The following TMEM181 variants were observed in gnomAD, a reference collection of about 807,000 sequenced individuals.
TMEM181 encodes the protein G protein-coupled receptor 178.
A neutral mutation model predicts 71.9 loss-of-function variants in TMEM181; 39 were observed. The observed-to-expected ratio is 0.54, with a 90% CI of 0.42 to 0.71. The LOEUF (loss-of-function observed/expected upper bound fraction) is 0.71, where lower values mean the gene tolerates loss of function less well. TMEM181 is among the 30% of genes least tolerant of loss of function. The pLI, the probability that TMEM181 is intolerant of heterozygous loss-of-function variation, is 0.00. For synonymous variants in TMEM181, 245 were observed against 228.8 expected (o/e 1.07, Z -0.64); for missense variants, 595 against 583.0 (o/e 1.02, Z -0.21).
At chr6:158,622,847 G>T (rs1206502686) in intron 10 of TMEM181, among the ~76,000 whole-genome samples, 1 of 152,192 alleles carries the variant, frequency 6.6e-6, no homozygotes, top group African/African-American at 2.4e-5. Flanking sequence ...AATCTTGGGT[G>T]GCTCCTGGCT....
rs1311919779 is a variant in TMEM181, at chr6:158,620,384, C to A, written c.897-3166C>A. ...GCAGACCGAACTTTCTCAGGTACCA[C>A]GAGAAAGCCAGGAGAAGGCAGATCT... On this transcript the variant is annotated intron_variant, in intron 10 of 16. Coordinates refer to ENST00000684151, the MANE Select transcript of TMEM181 (RefSeq NM_001376852.1). The surrounding 1 kb of genome is among the most constrained non-coding windows in gnomAD (Gnocchi z 4.5). 6.6e-6 allele frequency among the ~76,000 whole-genome samples: 1 copy of A among 152,084 alleles called. No homozygotes were observed. Among genetic ancestry groups the A allele is most frequent in the Non-Finnish European group, 1.5e-5 (1 of 68,030 alleles).
intron 5 of TMEM181, among the ~76,000 whole-genome samples, chr6:158,588,245 A>G (rs1279846728): frequency 1.3e-5 from 2 of 152,254 alleles, no homozygotes; most frequent in Non-Finnish European, 2.9e-5. Context: ...CCTGCGGAGC[A>G]CTGTGGGCTT....
intron 8 of TMEM181, 111 bp from the exon 9 acceptor site, chr6:158,608,222 G>C (rs6924914): frequency 8.0e-6 from 6 of 748,772 alleles, no homozygotes; most frequent in Admixed American, 1.2e-4. Context: ...TGACCCCGCA[G>C]AGGTATGGGG....
At chr6:158,544,007 G>A (rs1781440461) in intron 1 of TMEM181, among the ~76,000 whole-genome samples, 1 of 152,124 alleles carries the variant, frequency 6.6e-6, no homozygotes, top group African/African-American at 2.4e-5. Context: ...TTGGAAATCG[G>A]GTCTGCACAT....
intron 1 of TMEM181, among the ~76,000 whole-genome samples, chr6:158,546,285 A>T (rs1462273200): frequency 1.3e-5 from 2 of 152,256 alleles, no homozygotes; most frequent in Non-Finnish European, 2.9e-5. Flanking sequence ...GAATGAGAAC[A>T]TATTAGAACT....
Position 158,628,287 on chromosome 6 carries a change from C to G in TMEM181, c.1110-121C>G, listed in dbSNP as rs138460475. 474 of 866,228 alleles carry G rather than the reference C, an allele frequency of 5.5e-4. 6 individuals are homozygous for G. The East Asian group carries it at 0.012, about 22-fold the overall frequency. The allele number at this position is 866,228 out of a possible 1,614,324, so 53.7% of individuals were successfully genotyped here. ...GCATCTGTGCATGTGTGTGGAAGTT[C>G]CCATGCAGAAATCATAGTGTACAGA... On this transcript the variant is annotated intron_variant, in intron 13 of 16. Transcript: ENST00000684151.
intron 1 of TMEM181, among the ~76,000 whole-genome samples, chr6:158,572,902 G>T (rs1314264297): frequency 2.0e-5 from 3 of 151,434 alleles, no homozygotes; most frequent in African/African-American, 7.3e-5. Flanking sequence ...CTTGTGGGTT[G>T]TGAGGTTGTG....
intron 6 of TMEM181, among the ~76,000 whole-genome samples, chr6:158,600,753 G>A (rs1416215930): frequency 2.0e-5 from 3 of 152,108 alleles, no homozygotes; most frequent in African/African-American, 7.2e-5. Context: ...TTACAGGTGT[G>A]AGCCACCGCA....
At chr6:158,536,692 A>G (rs1272269917) in exon 1 of TMEM181, 1 of 1,550,380 alleles carries the variant, frequency 6.5e-7, no homozygotes, top group South Asian at 1.2e-5. Context: ...GCGGCGACAC[A>G]AAGGGTGGAG....
chr6:158,563,801 A>G (rs1782326537), intron 1 of TMEM181, among the ~76,000 whole-genome samples: 2 of 152,132 alleles, frequency 1.3e-5, no homozygotes, highest in Admixed American at 6.5e-5. Flanking sequence ...TGTTCACATA[A>G]TAGCTTTGCG....
intron 1 of TMEM181, among the ~76,000 whole-genome samples, chr6:158,541,965 G>T (rs1209928706): frequency 6.9e-6 from 1 of 145,086 alleles, no homozygotes; most frequent in Non-Finnish European, 1.5e-5. Context: ...GAGTGCAGTG[G>T]CCTGATCTCA....
At chr6:158,612,471 A>T (rs1165831273) in intron 10 of TMEM181, among the ~76,000 whole-genome samples, 10 of 152,230 alleles carry the variant, frequency 6.6e-5, no homozygotes, top group Admixed American at 3.3e-4. Context: ...CCTGTCAGTT[A>T]AGAATCTTTG....
intron 6 of TMEM181, among the ~76,000 whole-genome samples, chr6:158,594,120 T>C (rs9355666): frequency 0.29 from 40,074 of 139,254 alleles, 6,124 homozygotes; most frequent in East Asian, 0.59. Flanking sequence ...TTTTTTTTTT[T>C]CTGAGACAGA....
rs1056294224 is a variant in TMEM181 at position 158,549,531 on chromosome 6, C to A, written c.131+12666C>A. ...TGCAAACATGGTTGTTTACAGACTTCAAGACTATGGTGGTGTCAGCCTAAA... is the reference window on the plus strand; with the variant it reads ...TGCAAACATGGTTGTTTACAGACTTAAAGACTATGGTGGTGTCAGCCTAAA... On this transcript the variant is annotated intron_variant, in intron 1 of 16. Transcript: ENST00000367090. 3.9e-5 allele frequency among the ~76,000 whole-genome samples: 6 copies of A among 152,132 alleles called. No individual in the cohort carries two copies. In the East Asian group the frequency reaches 9.6e-4, roughly 24 times the overall value.
intron 1 of TMEM181, among the ~76,000 whole-genome samples, chr6:158,547,386 G>A (rs1781561016): frequency 6.6e-6 from 1 of 152,192 alleles, no homozygotes; most frequent in African/African-American, 2.4e-5. Context: ...AAGCTCCCCA[G>A]GTGATTCTAG....
intron 6 of TMEM181, 111 bp from the exon 7 acceptor site, chr6:158,605,156 G>GTGTGTGTA: frequency 1.8e-6 from 1 of 568,858 alleles, no homozygotes; most frequent in Non-Finnish European, 3.1e-6. Flanking sequence ...GTGTGTGTGT[G>GTGTGTGTA]TGTATGTGTA....
chr6:158,537,658 C>T (rs971769794), intron 1 of TMEM181, among the ~76,000 whole-genome samples: 2 of 152,204 alleles, frequency 1.3e-5, no homozygotes, highest in African/African-American at 4.8e-5. Context: ...AGAAAGCTCC[C>T]TCACCCCCCC....
chr6:158,624,992 C>T (rs998239672), intron 11 of TMEM181, 112 bp from the exon 12 acceptor site: 8 of 819,358 alleles, frequency 9.8e-6, no homozygotes, highest in African/African-American at 6.7e-5. Flanking sequence ...GAGGGACCTT[C>T]AGGGTTGAAG....
intron 1 of TMEM181, among the ~76,000 whole-genome samples, chr6:158,545,038 G>A (rs902047771): frequency 1.3e-5 from 2 of 152,228 alleles, no homozygotes; most frequent in African/African-American, 4.8e-5. Context: ...TGGCACCTTA[G>A]AGCCGCACAG....
Sources: gnomAD v4.1 joint callset for allele counts (sites outside exome capture counted in the v4.1 genomes callset) on GRCh38, gnomAD v4.1.1 for gene constraint, Gnocchi (gnomAD v3.1) non-coding constraint, MANE v1.5 for transcripts, NCBI Gene and HGNC (gene_info 2026-07-23, HGNC 2026-07-21) for gene names.